Variants in FBN2 observed in about 807,000 individuals in gnomAD.
The protein encoded by FBN2 is fibrillin 2.
In FBN2, 105 loss-of-function variants were observed where a neutral mutation model predicts 355.6. That is an observed-to-expected ratio of 0.30 (90% CI 0.25 to 0.35). The LOEUF (loss-of-function observed/expected upper bound fraction) is 0.35, where lower values mean the gene tolerates loss of function less well. Ranked by LOEUF, FBN2 falls within the 10% of genes least tolerant of loss-of-function variation. The pLI, the probability that FBN2 is intolerant of heterozygous loss-of-function variation, is 1.00. For missense variants in FBN2, 3,280 were observed against 3,758.7 expected, an observed-to-expected ratio of 0.87 and a Z score of 3.33; for synonymous variants, 1,350 against 1,301.2, an observed-to-expected ratio of 1.04 and a Z score of -0.81.
intron 34 of FBN2, chr5:128,328,456 A>T: frequency 1.6e-6 from 1 of 613,306 alleles, no homozygotes; most frequent in Non-Finnish European, 2.9e-6. Flanking sequence ...GTTAAAAAAG[A>T]AAAAAGAATG....
chr5:128,484,509 T>C (rs1755283734), intron 5 of FBN2, among the ~76,000 whole-genome samples: 1 of 152,150 alleles, frequency 6.6e-6, no homozygotes, highest in Admixed American at 6.5e-5. Context: ...AAAATATATT[T>C]ACAGACACAG....
At position 128,342,704 on chromosome 5, in the gene FBN2, G is replaced by A. The variant is rs188857516; in HGVS notation, c.3343+1681C>T. Among the ~76,000 whole-genome samples the A allele has an allele frequency of 3.9e-5, 6 of 152,106 alleles. No individual in the cohort carries two copies. The East Asian group carries it at 1.2e-3, about 29-fold the overall frequency. On this transcript the variant is annotated intron_variant, in intron 25 of 64. Coordinates refer to ENST00000262464, the MANE Select transcript of FBN2 (RefSeq NM_001999.4). ...CATCACACCTCATTCTCTGTCACCG[G>A]AGGAGAGGGAGTGGGGGATAAAGGA...
chr5:128,304,694 A>G (rs550525854), intron 45 of FBN2, among the ~76,000 whole-genome samples: 1 of 152,314 alleles, frequency 6.6e-6, no homozygotes, highest in South Asian at 2.1e-4. Flanking sequence ...AGCCATGTGA[A>G]CATCTTCTGG....
At chr5:128,325,658 A>T (rs1750524350) in intron 34 of FBN2, among the ~76,000 whole-genome samples, 1 of 152,150 alleles carries the variant, frequency 6.6e-6, no homozygotes, top group Admixed American at 6.5e-5. Context: ...TTGGTTGTTT[A>T]GTACCTTTTT....
At chr5:128,372,998 G>A (rs1009101900) in intron 15 of FBN2, among the ~76,000 whole-genome samples, 1 of 152,054 alleles carries the variant, frequency 6.6e-6, no homozygotes, top group Non-Finnish European at 1.5e-5. Context: ...AAAACATCTA[G>A]CATGTTATAG....
Position 128,451,155 on chromosome 5 carries a change from A to T in FBN2, c.827-4549T>A, listed in dbSNP as rs1468699709. On this transcript the variant is annotated intron_variant, in intron 6 of 64. Transcript: ENST00000262464. ...TTTGGTAAGCTCAAAAGTTCTGTATATCTCAGTGTGTAAATTAGTGAATTC... is the reference window on the plus strand; with the variant it reads ...TTTGGTAAGCTCAAAAGTTCTGTATTTCTCAGTGTGTAAATTAGTGAATTC... 2.0e-5 allele frequency among the ~76,000 whole-genome samples: 3 copies of T among 152,278 alleles called. No individual in the cohort carries two copies. The East Asian group carries it at 5.8e-4, about 29-fold the overall frequency.
At chr5:128,518,937 C>T (rs868269867) in intron 5 of FBN2, among the ~76,000 whole-genome samples, 1 of 152,138 alleles carries the variant, frequency 6.6e-6, no homozygotes, top group Non-Finnish European at 1.5e-5. Context: ...TAACTTGACA[C>T]TATTTCATTT....
chr5:128,288,654 T>C, intron 52 of FBN2, 97 bp from the exon 53 acceptor site: 1 of 1,390,562 alleles, frequency 7.2e-7, no homozygotes, highest in Non-Finnish European at 1.0e-6. Context: ...ATTTCCAGGA[T>C]CTGAGAAGGG....
chr5:128,429,494 A>T (rs1753566125), intron 7 of FBN2, among the ~76,000 whole-genome samples: 1 of 152,220 alleles, frequency 6.6e-6, no homozygotes, highest in Non-Finnish European at 1.5e-5. Flanking sequence ...TTTAAATTCC[A>T]GGTAGAAATA....
At chr5:128,425,329 T>A (rs530047799) in intron 7 of FBN2, among the ~76,000 whole-genome samples, 1 of 152,122 alleles carries the variant, frequency 6.6e-6, no homozygotes, top group Non-Finnish European at 1.5e-5. Flanking sequence ...CCCTAAACAT[T>A]TTAAATAAAG....
chr5:128,509,312 C>A lies in FBN2; in HGVS notation c.628+9961G>T, dbSNP rs989700551. 7.9e-5 allele frequency among the ~76,000 whole-genome samples: 12 copies of A among 152,006 alleles called. 1 individual carries two copies. The highest frequency in any genetic ancestry group is 7.9e-4 in the Admixed American group (12 of 15,248). On this transcript the variant is annotated intron_variant, in intron 5 of 64. Coordinates refer to ENST00000262464, the MANE Select transcript of FBN2 (RefSeq NM_001999.4). ...CTTTGTGCTTTATTTCAAATAATTT[C>A]TGTTGCTATGTTTTCAGGCTCACTC...
chr5:128,434,255 T>C (rs1753709803), intron 7 of FBN2, among the ~76,000 whole-genome samples: 1 of 151,338 alleles, frequency 6.6e-6, no homozygotes, highest in South Asian at 2.1e-4. Flanking sequence ...AGAAAGACAA[T>C]TCAAGCATTA....
chr5:128,421,594 T>C (rs777467560), intron 7 of FBN2, among the ~76,000 whole-genome samples: 12 of 152,130 alleles, frequency 7.9e-5, no homozygotes, highest in Non-Finnish European at 1.6e-4. Flanking sequence ...TCTATGGGTA[T>C]AGACAGTTGA....
intron 7 of FBN2, among the ~76,000 whole-genome samples, chr5:128,440,712 T>C (rs897003360): frequency 1.3e-5 from 2 of 152,190 alleles, no homozygotes; most frequent in African/African-American, 4.8e-5. Flanking sequence ...ACTTTTGTTT[T>C]CCAAGACCTG....
intron 7 of FBN2, among the ~76,000 whole-genome samples, chr5:128,432,002 G>A (rs947391706): frequency 1.3e-5 from 2 of 151,992 alleles, no homozygotes; most frequent in African/African-American, 4.8e-5. Context: ...GCAGATAAGG[G>A]GACTACTGTA....
intron 6 of FBN2, among the ~76,000 whole-genome samples, chr5:128,462,524 A>T (rs921859604): frequency 1.3e-5 from 2 of 152,178 alleles, no homozygotes; most frequent in African/African-American, 4.8e-5. Context: ...GGCAAATTTC[A>T]TTTTGTTCCT....
chr5:128,525,618 A>C (rs996791695), intron 4 of FBN2, among the ~76,000 whole-genome samples: 3 of 152,072 alleles, frequency 2.0e-5, no homozygotes, highest in African/African-American at 7.2e-5. Flanking sequence ...ACTGGCCTCA[A>C]CGTATTGTAT....
At chr5:128,525,704 C>A (rs1321440502) in intron 4 of FBN2, among the ~76,000 whole-genome samples, 2 of 152,120 alleles carry the variant, frequency 1.3e-5, no homozygotes, top group African/African-American at 4.8e-5. Flanking sequence ...ACCACCCACA[C>A]CCACACAAGG....
In FBN2 at chr5:128,261,872, T is replaced by C. The variant is rs1234689096; in HGVS notation, c.8228A>G (p.Gln2743Arg). ...CVSGMGFNKG[Q>R]YLSLDTEVDE... ...GACCTCTGTATCCAGTGACAGGTAC[T>C]GCCCCTTGTTAAATCCCATTCCTGA... The change falls in exon 64 of 65, where the codon CAG (glutamine) becomes CGG (arginine). Residue 2743 changes from glutamine (Q) to arginine (R), a missense_variant. Around this residue, in one of 6 missense-constraint regions of FBN2, gnomAD observed 311 missense variants for 319.1 expected, o/e 0.97. Transcript: ENST00000262464. 1.9e-6 allele frequency: 3 copies of C among 1,614,154 alleles called. No individual in the cohort carries two copies. The South Asian group carries it at 3.3e-5, about 18-fold the overall frequency.
Sources: gnomAD v4.1 joint callset for allele counts (sites outside exome capture counted in the v4.1 genomes callset) on GRCh38, gnomAD v4.1.1 for gene constraint, gnomAD v4.1.1 regional missense constraint, MANE v1.5 for transcripts, NCBI Gene and HGNC (gene_info 2026-07-23, HGNC 2026-07-21) for gene names.